DRC8: variants seen among roughly 807,000 people sequenced by gnomAD.
DRC8 encodes the protein dynein regulatory complex subunit 8, also known as dynein regulatory complex protein 8.
At chr1:245,112,939 G>C in the DRC8 span, among the ~76,000 whole-genome samples, 1 of 152,186 alleles carries the variant, frequency 6.6e-6, no homozygotes, top group African/African-American at 2.4e-5. Context: ...TTTTGGTAGA[G>C]ACAGTGGTTT....
chr1:245,019,763 T>C, the DRC8 span, among the ~76,000 whole-genome samples: 3 of 152,058 alleles, frequency 2.0e-5, no homozygotes, highest in African/African-American at 7.2e-5. Flanking sequence ...GCCAACATGG[T>C]GAAACCTCAT....
At chr1:245,070,013 C>A in the DRC8 span, among the ~76,000 whole-genome samples, 3 of 152,140 alleles carry the variant, frequency 2.0e-5, no homozygotes, top group African/African-American at 7.2e-5. Context: ...CCACCACACT[C>A]CAGCCTGGGC....
chr1:245,081,003 G>A, the DRC8 span, among the ~76,000 whole-genome samples: 1 of 152,164 alleles, frequency 6.6e-6, no homozygotes, highest in African/African-American at 2.4e-5. Context: ...CTCCCCTGCT[G>A]TCTCTGTCTC....
the DRC8 span, among the ~76,000 whole-genome samples, chr1:245,022,050 T>A: frequency 2.6e-5 from 4 of 152,220 alleles, no homozygotes; most frequent in African/African-American, 9.7e-5. Flanking sequence ...CATTTCCTTG[T>A]TAAATAGTTT....
chr1:245,057,016 G>A, the DRC8 span, among the ~76,000 whole-genome samples: 18 of 151,970 alleles, frequency 1.2e-4, no homozygotes, highest in African/African-American at 3.9e-4. Flanking sequence ...CTGAGAATCA[G>A]CTCACCCTTC....
At chr1:245,051,834 G>A in the DRC8 span, among the ~76,000 whole-genome samples, 6 of 152,166 alleles carry the variant, frequency 3.9e-5, no homozygotes, top group Admixed American at 1.3e-4. Context: ...GTGTGGAAAC[G>A]AAAAACTAAG....
the DRC8 span, among the ~76,000 whole-genome samples, chr1:245,055,134 A>T: frequency 6.6e-6 from 1 of 152,154 alleles, no homozygotes; most frequent in South Asian, 2.1e-4. Context: ...GGAGGGAGAC[A>T]TTATGTCATC....
At chr1:244,971,395 T>C in the DRC8 span, among the ~76,000 whole-genome samples, 58 of 152,314 alleles carry the variant, frequency 3.8e-4, no homozygotes, top group Admixed American at 2.4e-3. Context: ...GAGGCATCGA[T>C]GTGTTGTCTG....
chr1:245,061,298 T>G, the DRC8 span, among the ~76,000 whole-genome samples: 5 of 152,246 alleles, frequency 3.3e-5, no homozygotes, highest in African/African-American at 1.2e-4. Context: ...TGAGTTTGCT[T>G]GCACTGCTGG....
At chr1:244,986,758 A>G in the DRC8 span, among the ~76,000 whole-genome samples, 1 of 151,956 alleles carries the variant, frequency 6.6e-6, no homozygotes, top group Non-Finnish European at 1.5e-5. Context: ...AAAAAAAAAA[A>G]AAAAGATCAC....
At chr1:245,075,559 C>A in the DRC8 span, 1 of 152,226 alleles carries the variant, frequency 6.6e-6, no homozygotes, top group Non-Finnish European at 1.5e-5. Context: ...CCTACTCCAC[C>A]TTAATTCTTT....
chr1:245,093,973 G>A, the DRC8 span, among the ~76,000 whole-genome samples: 1 of 151,980 alleles, frequency 6.6e-6, no homozygotes, highest in Non-Finnish European at 1.5e-5. Flanking sequence ...TGAAGTATAG[G>A]TGAGTATTGC....
the DRC8 span, among the ~76,000 whole-genome samples, chr1:244,974,265 A>G: frequency 6.6e-6 from 1 of 152,172 alleles, no homozygotes; most frequent in African/African-American, 2.4e-5. Flanking sequence ...ATAGGACTGG[A>G]AGGATCTTCT....
the DRC8 span, among the ~76,000 whole-genome samples, chr1:245,021,836 T>C: frequency 4.1e-4 from 62 of 152,198 alleles, no homozygotes; most frequent in East Asian, 0.011. Context: ...TCATAAGAAC[T>C]TTAAAATACA....
chr1:245,009,028 C>CTTTTTTTTT, the DRC8 span, among the ~76,000 whole-genome samples: 50 of 64,432 alleles, frequency 7.8e-4, 3 homozygotes, highest in African/African-American at 1.9e-3. Flanking sequence ...TTATGCTTTT[C>CTTTTTTTTT]TTTTTTTTTT....
chr1:244,970,461 G>A, the DRC8 span: 3 of 1,525,362 alleles, frequency 2.0e-6, no homozygotes, highest in Non-Finnish European at 2.6e-6. Flanking sequence ...AGGGGAGCCG[G>A]GGAGCCGCTG....
At chr1:245,112,566 C>T in the DRC8 span, among the ~76,000 whole-genome samples, 1 of 152,126 alleles carries the variant, frequency 6.6e-6, no homozygotes, top group African/African-American at 2.4e-5. Context: ...TATACTTTTA[C>T]TTAACTGTGG....
chr1:245,028,730 CAT>C, the DRC8 span, among the ~76,000 whole-genome samples: 12 of 152,210 alleles, frequency 7.9e-5, no homozygotes, highest in African/African-American at 2.9e-4. Flanking sequence ...AATATGTTCA[CAT>C]GTTTAAATCC....
the DRC8 span, among the ~76,000 whole-genome samples, chr1:245,051,400 C>T: frequency 2.0e-5 from 3 of 152,030 alleles, no homozygotes; most frequent in Non-Finnish European, 4.4e-5. Context: ...CAATCCCCCC[C>T]ACCCAAAAGG....
Sources: allele counts gnomAD v4.1 joint callset (sites outside exome capture counted in the v4.1 genomes callset), GRCh38; gene constraint gnomAD v4.1.1; transcripts MANE v1.5; gene names NCBI Gene and HGNC (gene_info 2026-07-23, HGNC 2026-07-21).